PTPRD: variants seen among roughly 807,000 people sequenced by gnomAD.
The protein encoded by PTPRD is receptor-type tyrosine-protein phosphatase delta.
In PTPRD, 34 loss-of-function variants were observed where a neutral mutation model predicts 214.5. The observed-to-expected ratio is 0.16, with a 90% CI of 0.12 to 0.21. PTPRD has a LOEUF of 0.21. PTPRD is among the 10% of genes least tolerant of loss of function. PTPRD has a pLI of 1.00. For synonymous variants in PTPRD, 1,128 were observed against 845.7 expected (o/e 1.33, Z -5.79); for missense variants, 2,545 against 2,398.7 (o/e 1.06, Z -1.27).
chr9:9,013,728 G>A (rs2099521522), intron 11 of PTPRD, among the ~76,000 whole-genome samples: 1 of 152,116 alleles, frequency 6.6e-6, no homozygotes, highest in African/African-American at 2.4e-5. Flanking sequence ...CAAAACTCAG[G>A]AAATGCTTAC....
intron 11 of PTPRD, among the ~76,000 whole-genome samples, chr9:8,941,950 C>A (rs1305671714): frequency 6.6e-6 from 1 of 152,080 alleles, no homozygotes; most frequent in Non-Finnish European, 1.5e-5. Context: ...GGATTACAGG[C>A]GCCCACTACC....
At chr9:8,341,337 G>T (rs1398337986) in intron 40 of PTPRD, 69 bp from the exon 41 acceptor site, 6 of 1,447,112 alleles carry the variant, frequency 4.1e-6, no homozygotes, top group Non-Finnish European at 2.8e-6. Flanking sequence ...TTTGAATGCA[G>T]TGTACCCCAG....
intron 12 of PTPRD, among the ~76,000 whole-genome samples, chr9:8,702,430 A>G (rs2098110162): frequency 6.6e-6 from 1 of 152,128 alleles, no homozygotes; most frequent in Non-Finnish European, 1.5e-5. Context: ...TTTACTGATT[A>G]CCTACTACGT....
Position 8,929,881 on chromosome 9 carries a change from A to G in PTPRD, c.-104+88816T>C, listed in dbSNP as rs890595673. On this transcript the variant is annotated intron_variant, in intron 11 of 45. Coordinates refer to ENST00000381196, the MANE Select transcript of PTPRD (RefSeq NM_002839.4). ...TGTGTATATACATGTGTGTGTATAT[A>G]TGTGTGTGTATATATATGTGTATAT... Among the ~76,000 whole-genome samples, 30 of 103,640 alleles carry G rather than the reference A, an allele frequency of 2.9e-4. 6 individuals are homozygous for G. The highest frequency in any genetic ancestry group is 7.3e-4 in the Admixed American group (7 of 9,592). 68.0% of individuals were successfully genotyped at this position (103,640 alleles called of 152,430 possible). A position where few individuals can be genotyped will look rare whatever the true frequency, so the allele number is the denominator to read the frequency against.
At chr9:10,328,389 C>T (rs1425951849) in intron 3 of PTPRD, among the ~76,000 whole-genome samples, 1 of 151,624 alleles carries the variant, frequency 6.6e-6, no homozygotes. Context: ...TTCTGGGGTG[C>T]TCTTGCCTTA....
intron 11 of PTPRD, among the ~76,000 whole-genome samples, chr9:8,774,475 C>T (rs1423142078): frequency 1.4e-5 from 2 of 147,246 alleles, no homozygotes; most frequent in African/African-American, 5.0e-5. Flanking sequence ...TATGATGTAA[C>T]ATAAATGCAA....
intron 7 of PTPRD, among the ~76,000 whole-genome samples, chr9:9,603,016 T>G (rs1292146644): frequency 6.6e-6 from 1 of 150,648 alleles, no homozygotes; most frequent in Non-Finnish European, 1.5e-5. Context: ...AGTAAAAGAG[T>G]AAGAAAAAAA....
chr9:9,110,172 C>T (rs2099804071), intron 10 of PTPRD, among the ~76,000 whole-genome samples: 1 of 152,110 alleles, frequency 6.6e-6, no homozygotes, highest in Admixed American at 6.6e-5. Context: ...ATGTATACTG[C>T]TACTATGGCA....
intron 12 of PTPRD, among the ~76,000 whole-genome samples, chr9:8,683,183 G>T (rs1483014711): frequency 6.6e-6 from 1 of 152,162 alleles, no homozygotes; most frequent in Non-Finnish European, 1.5e-5. Context: ...ACACAAAGCT[G>T]TATTTTCTGC....
chr9:8,571,194 CTT>C (rs967036639), intron 14 of PTPRD, among the ~76,000 whole-genome samples: 3 of 152,204 alleles, frequency 2.0e-5, no homozygotes, highest in Middle Eastern at 3.4e-3. Flanking sequence ...GCAAACTTCT[CTT>C]TTAACACTTT....
chr9:9,320,148 A>C (rs1346636676), intron 9 of PTPRD, among the ~76,000 whole-genome samples: 1 of 152,156 alleles, frequency 6.6e-6, no homozygotes, highest in African/African-American at 2.4e-5. Context: ...CCTTTTTGTA[A>C]TGTCAAAAAT....
chr9:9,126,824 C>T (rs765123857), intron 10 of PTPRD, among the ~76,000 whole-genome samples: 3 of 152,200 alleles, frequency 2.0e-5, no homozygotes, highest in South Asian at 2.1e-4. Context: ...TAATCCTACA[C>T]ATTTTTATTT....
Position 10,309,042 on chromosome 9 carries a change from T to C in PTPRD, c.-545+31921A>G, listed in dbSNP as rs139136941. On this transcript the variant is annotated intron_variant, in intron 3 of 45. Transcript: ENST00000381196. ...TTTGATATATAAAGCCAAATTTTTC[T>C]CAGTGTATTTTATCACCTCACTCTC... Among the ~76,000 whole-genome samples the C allele has an allele frequency of 2.9e-4, 44 of 152,204 alleles. No individual in the cohort carries two copies. The East Asian group carries it at 8.3e-3, about 29-fold the overall frequency.
Position 9,294,819 on chromosome 9 carries a change from T to C in PTPRD, c.-203+102630A>G, listed in dbSNP as rs950547270. On this transcript the variant is annotated intron_variant, in intron 9 of 45. Transcript: ENST00000381196. The stretch of plus-strand genomic sequence containing the variant: ...AGCCTGAGCAAACTAATATACTCCA[T>C]GTGCACTATTAAGATTAGGCATAAA... Among the ~76,000 whole-genome samples the C allele has an allele frequency of 7.9e-5, 12 of 151,792 alleles. 1 individual carries two copies. Among genetic ancestry groups the C allele is most frequent in the Admixed American group, 4.6e-4 (7 of 15,166 alleles).
intron 10 of PTPRD, among the ~76,000 whole-genome samples, chr9:9,069,434 T>C (rs2154407405): frequency 6.6e-6 from 1 of 152,266 alleles, no homozygotes; most frequent in South Asian, 2.1e-4. Flanking sequence ...AGAAAAGTGG[T>C]TAATTTTAAG....
At chr9:9,410,375 A>C (rs2074999176) in intron 8 of PTPRD, among the ~76,000 whole-genome samples, 1 of 152,236 alleles carries the variant, frequency 6.6e-6, no homozygotes, top group Non-Finnish European at 1.5e-5. Context: ...ATATACATCA[A>C]AAGAAAAATG....
chr9:10,073,663 T>C (rs2098077657), intron 3 of PTPRD, among the ~76,000 whole-genome samples: 1 of 152,136 alleles, frequency 6.6e-6, no homozygotes, highest in Non-Finnish European at 1.5e-5. Context: ...GTGGTCTTCC[T>C]ACTATGAGGA....
chr9:9,758,065 CT>C (rs1483586182), intron 6 of PTPRD, among the ~76,000 whole-genome samples: 4 of 149,954 alleles, frequency 2.7e-5, no homozygotes. Context: ...CCAAATAATA[CT>C]GATTGGGTGT....
chr9:10,429,336 T>A (rs2098655144), intron 2 of PTPRD, among the ~76,000 whole-genome samples: 4 of 152,004 alleles, frequency 2.6e-5, no homozygotes, highest in Admixed American at 2.6e-4. Flanking sequence ...CTACTGGGTA[T>A]CTACTCAAAG....
Sources: allele counts gnomAD v4.1 joint callset (sites outside exome capture counted in the v4.1 genomes callset), GRCh38; gene constraint gnomAD v4.1.1; transcripts MANE v1.5; gene names NCBI Gene and HGNC (gene_info 2026-07-23, HGNC 2026-07-21).